Variants in ARHGEF7 observed in about 807,000 individuals in gnomAD.
The protein encoded by ARHGEF7 is PAK-interacting exchange factor beta.
A neutral mutation model predicts 109.8 loss-of-function variants in ARHGEF7; 33 were observed. The observed-to-expected ratio is 0.30, with a 90% CI of 0.23 to 0.40. ARHGEF7 has a LOEUF of 0.40. Among genes scored for constraint, ARHGEF7 ranks in the 10% least tolerant of loss-of-function variants. ARHGEF7 has a pLI of 1.00. For missense variants in ARHGEF7, 938 were observed against 1,098.5 expected (o/e 0.85, Z 2.07); for synonymous variants, 458 against 424.6 (o/e 1.08, Z -0.97).
chr13:111,133,812 T>TATATATAAATAA lies in ARHGEF7; in HGVS notation c.165+18123_165+18124insATATAAATAAAT, dbSNP rs1555341569. On this transcript the variant is annotated intron_variant, in intron 1 of 21. Transcript: ENST00000646102. ...ATATATATATATATATATATATATA[T>TATATATAAATAA]ATTTATTATACTTTAAGTTCTAGGT... 3.4e-4 allele frequency among the ~76,000 whole-genome samples: 21 copies of TATATATAAATAA among 62,548 alleles called. 1 individual carries two copies. Among genetic ancestry groups the TATATATAAATAA allele is most frequent in the African/African-American group, 1.4e-3 (18 of 12,430 alleles). The allele number at this position is 62,548 out of a possible 152,430, so 41.0% of individuals were successfully genotyped here. A position where few individuals can be genotyped will look rare whatever the true frequency, so the allele number is the denominator to read the frequency against.
chr13:111,270,588 G>T (rs1302847136), intron 9 of ARHGEF7, among the ~76,000 whole-genome samples: 1 of 152,036 alleles, frequency 6.6e-6, no homozygotes, highest in Non-Finnish European at 1.5e-5. Flanking sequence ...GGCTTTTTTT[G>T]AGGGAGTGGT....
intron 2 of ARHGEF7, among the ~76,000 whole-genome samples, chr13:111,203,421 G>A (rs573142290): frequency 6.6e-6 from 1 of 152,318 alleles, no homozygotes; most frequent in Admixed American, 6.5e-5. Context: ...TACAACAAAT[G>A]TATTCTGTAT....
chr13:111,177,521 C>T (rs925300968), intron 2 of ARHGEF7, among the ~76,000 whole-genome samples: 1 of 152,162 alleles, frequency 6.6e-6, no homozygotes, highest in African/African-American at 2.4e-5. Flanking sequence ...GTCACACCCC[C>T]TGAGAATGTG....
rs554979569 is a variant in ARHGEF7 at position 111,131,962 on chromosome 13, G to C, written c.165+16271G>C. The stretch of plus-strand genomic sequence containing the variant: ...TATGAGAGAGGGGTGGACTCAGTGA[G>C]GGGGTGGACCGTGAGCCCTGTGGAA... On this transcript the variant is annotated intron_variant, in intron 1 of 21. Coordinates refer to ENST00000646102, the MANE Select transcript of ARHGEF7 (RefSeq NM_001354046.2). The surrounding 1 kb of genome is among the most constrained non-coding windows in gnomAD (Gnocchi z 4.4). Among the ~76,000 whole-genome samples the C allele has an allele frequency of 6.6e-6, 1 of 152,300 alleles. No individual in the cohort carries two copies. Among genetic ancestry groups the C allele is most frequent in the East Asian group, 1.9e-4 (1 of 5,178 alleles).
intron 19 of ARHGEF7, chr13:111,292,602 T>C: frequency 8.0e-7 from 1 of 1,256,410 alleles, no homozygotes; most frequent in Non-Finnish European, 1.0e-6. Flanking sequence ...TAGCTCCAAA[T>C]GGTTTTTTTA....
intron 1 of ARHGEF7, among the ~76,000 whole-genome samples, chr13:111,152,635 TGTC>T (rs1024682949): frequency 1.3e-5 from 2 of 152,170 alleles, no homozygotes; most frequent in Non-Finnish European, 2.9e-5. Flanking sequence ...CCTGGTGAAA[TGTC>T]GTGATTTTCT....
chr13:111,133,051 T>C (rs996841001), intron 1 of ARHGEF7, among the ~76,000 whole-genome samples: 3 of 148,098 alleles, frequency 2.0e-5, no homozygotes. Context: ...CATATACACA[T>C]ATGTATGCAC....
intron 1 of ARHGEF7, among the ~76,000 whole-genome samples, chr13:111,147,026 AG>A (rs1477607418): frequency 6.6e-6 from 1 of 152,220 alleles, no homozygotes; most frequent in Non-Finnish European, 1.5e-5. Context: ...ATTTCTGAAA[AG>A]TGAACTGGGC....
chr13:111,221,583 A>ATATC (rs2084377347), intron 5 of ARHGEF7, among the ~76,000 whole-genome samples: 1 of 84,078 alleles, frequency 1.2e-5, no homozygotes, highest in Non-Finnish European at 2.3e-5. Flanking sequence ...ACATATCTAT[A>ATATC]TATATCTATA....
intron 19 of ARHGEF7, chr13:111,293,261 T>C (rs1595595572): frequency 7.1e-6 from 7 of 985,394 alleles, no homozygotes; most frequent in Non-Finnish European, 8.4e-6. Context: ...TCCCCACCCC[T>C]GACATCCATA....
intron 9 of ARHGEF7, among the ~76,000 whole-genome samples, chr13:111,270,659 C>G (rs1274313871): frequency 6.6e-6 from 1 of 152,106 alleles, no homozygotes; most frequent in Non-Finnish European, 1.5e-5. Context: ...TAGGAAATTT[C>G]ACAGGTAACC....
chr13:111,123,205 G>A (rs2067310715), intron 1 of ARHGEF7, among the ~76,000 whole-genome samples: 1 of 152,214 alleles, frequency 6.6e-6, no homozygotes, highest in African/African-American at 2.4e-5. Flanking sequence ...GGAAAGGCTT[G>A]CACTTTTCTG....
At chr13:111,117,501 T>G (rs902932106) in intron 1 of ARHGEF7, among the ~76,000 whole-genome samples, 2 of 152,226 alleles carry the variant, frequency 1.3e-5, no homozygotes, top group Non-Finnish European at 2.9e-5. Context: ...AATGAAAGTT[T>G]AATGTGAAGG....
At chr13:111,282,909 T>A (rs963354886) in intron 15 of ARHGEF7, 3 of 633,758 alleles carry the variant, frequency 4.7e-6, no homozygotes, top group Non-Finnish European at 8.1e-6. Flanking sequence ...GCCCCTCCTG[T>A]CTGGGGCAGA....
At chr13:111,233,428 C>T (rs1444690506) in intron 6 of ARHGEF7, 135 bp downstream of exon 6, 2 of 711,850 alleles carry the variant, frequency 2.8e-6, no homozygotes, top group Non-Finnish European at 4.9e-6. Context: ...ACAAATGTAA[C>T]CACCATTAAG....
intron 4 of ARHGEF7, among the ~76,000 whole-genome samples, chr13:111,214,834 TAATA>T (rs1263925648): frequency 6.6e-6 from 1 of 150,788 alleles, no homozygotes; most frequent in Non-Finnish European, 1.5e-5. Context: ...TATTTATAAT[TAATA>T]CTTAATCTGT....
chr13:111,115,854 G>C (rs1461922583), intron 1 of ARHGEF7, among the ~76,000 whole-genome samples, 163 bp downstream of exon 1: 1 of 150,532 alleles, frequency 6.6e-6, no homozygotes, highest in Admixed American at 6.6e-5. Context: ...GCGGGAGCTC[G>C]GGGGGCGCCA....
At chr13:111,292,591 A>G (rs2093323999) in intron 19 of ARHGEF7, 1 of 1,277,982 alleles carries the variant, frequency 7.8e-7, no homozygotes, top group Non-Finnish European at 9.9e-7. Flanking sequence ...TTGTTGTTTT[A>G]TAGCTCCAAA....
At chr13:111,141,453 T>C (rs2075345529) in intron 1 of ARHGEF7, among the ~76,000 whole-genome samples, 1 of 152,016 alleles carries the variant, frequency 6.6e-6, no homozygotes, top group African/African-American at 2.4e-5. Context: ...GGGGGAAGTG[T>C]CGCACAGCTT....
Sources: allele counts gnomAD v4.1 joint callset (sites outside exome capture counted in the v4.1 genomes callset), GRCh38; gene constraint gnomAD v4.1.1; non-coding constraint Gnocchi (gnomAD v3.1); transcripts MANE v1.5; gene names NCBI Gene and HGNC (gene_info 2026-07-23, HGNC 2026-07-21).